The following LRRC34 variants were observed in gnomAD, a reference collection of about 807,000 sequenced individuals.
LRRC34 encodes the protein leucine rich repeat containing 34, also known as leucine-rich repeat-containing protein 34.
In LRRC34, 44 loss-of-function variants were observed where a neutral mutation model predicts 48.5. The ratio of observed to expected loss-of-function variants is 0.91; its 90% CI spans 0.71 to 1.17. The LOEUF is 1.17. Among genes scored for constraint, LRRC34 ranks in the 50% most tolerant of loss-of-function variants. The pLI, the probability that LRRC34 is intolerant of heterozygous loss-of-function variation, is 0.00. For missense variants in LRRC34, 502 were observed against 563.0 expected (o/e 0.89, Z 1.10); for synonymous variants, 192 against 197.6 (o/e 0.97, Z 0.24).
chr3:169,803,978 A>C (rs1377504024), intron 6 of LRRC34, 75 bp downstream of exon 6: 1 of 1,363,472 alleles, frequency 7.3e-7, no homozygotes, highest in Non-Finnish European at 9.6e-7. Flanking sequence ...AAAATTAATC[A>C]TTCATAAGAC....
At chr3:169,806,156 A>G (rs1450909522) in intron 5 of LRRC34, among the ~76,000 whole-genome samples, 1 of 152,236 alleles carries the variant, frequency 6.6e-6, no homozygotes, top group African/African-American at 2.4e-5. Context: ...TTTTTGGACA[A>G]AACTGTCAAG....
At chr3:169,804,263 A>G (rs1779297007) in intron 5 of LRRC34, 82 bp from the exon 6 acceptor site, 1 of 1,138,102 alleles carries the variant, frequency 8.8e-7, no homozygotes, top group Non-Finnish European at 1.2e-6. Flanking sequence ...CTGTATTACT[A>G]TTTGCAGACT....
rs1778873729 is a variant in LRRC34, at chr3:169,793,628, T to C, written c.*7A>G. The C allele has an allele frequency of 6.3e-7, 1 of 1,591,310 alleles. No homozygotes were observed. The highest frequency in any genetic ancestry group is 1.7e-4 in the Middle Eastern group (1 of 6,000). ...AAGTGTATGAAAATTATTTTACAGC[T>C]ACTTTTTCATGGCTGTTGACCTACT... is the stretch of plus-strand genomic sequence containing the variant. On this transcript the variant is annotated 3_prime_UTR_variant, in exon 11 of 11. Transcript: ENST00000446859.
chr3:169,794,517 A>AT (rs1326922491), intron 10 of LRRC34: 7 of 151,422 alleles, frequency 4.6e-5, no homozygotes, highest in African/African-American at 1.7e-4. Flanking sequence ...GGTTCAAGAG[A>AT]TTCTCCTGCC....
At chr3:169,795,776 A>G in intron 9 of LRRC34, 165 bp from the exon 10 acceptor site, 2 of 1,335,152 alleles carry the variant, frequency 1.5e-6, no homozygotes, top group Non-Finnish European at 1.9e-6. Context: ...TTCTAATTAG[A>G]TCCTTAAGGT....
intron 6 of LRRC34, among the ~76,000 whole-genome samples, chr3:169,801,680 T>C (rs1779198356): frequency 6.6e-6 from 1 of 152,250 alleles, no homozygotes; most frequent in South Asian, 2.1e-4. Context: ...AAGGCACTCT[T>C]AACTTTGTCT....
intron 5 of LRRC34, 136 bp downstream of exon 5, chr3:169,806,712 A>C: frequency 1.8e-6 from 1 of 566,928 alleles, no homozygotes; most frequent in South Asian, 2.9e-5. Flanking sequence ...CACTTGAATA[A>C]ATTAAAGTAT....
intron 6 of LRRC34, among the ~76,000 whole-genome samples, chr3:169,803,495 G>A (rs960138205): frequency 6.6e-6 from 1 of 152,202 alleles, no homozygotes; most frequent in Non-Finnish European, 1.5e-5. Flanking sequence ...CCAGGGGCTG[G>A]AGTGCAACTC....
Position 169,795,328 on chromosome 3 carries a change from C to T in LRRC34, c.1191+157G>A, listed in dbSNP as rs1380832368. ...TTAATATCTTTGGTTATTTGAACCA[C>T]CAAACTCTCTAGTAGTTAATTTTAA... On this transcript the variant is annotated intron_variant, in intron 10 of 10. Coordinates refer to ENST00000446859, the MANE Select transcript of LRRC34 (RefSeq NM_001172779.2). 6.2e-6 allele frequency: 4 copies of T among 641,678 alleles called. No homozygotes were observed. In the African/African-American group the frequency reaches 7.4e-5, roughly 12 times the overall value. 39.7% of individuals were successfully genotyped at this position (641,678 alleles called of 1,614,324 possible).
In LRRC34 at chr3:169,812,514, C is replaced by T; in HGVS notation, c.35G>A (p.Arg12Lys). Residue 12 changes from arginine to lysine, a missense_variant, in exon 1 of 11, where the codon AGG becomes AAG. Coordinates refer to ENST00000446859, the MANE Select transcript of LRRC34 (RefSeq NM_001172779.2). This position sits in a 1 kb window ranked among gnomAD's most constrained non-coding sequence, Gnocchi z 4.3. Reference protein sequence around the residue: ...AAQPPRPVGERSMGSSREAAR... With the variant: ...AAQPPRPVGEKSMGSSREAAR... Reference sequence around the variant, plus strand: ...GGCCTCCCGGGAGCTCCCCATGCTCCTCTCACCCACTGGCCGCGGCGGCTG... The same window carrying T: ...GGCCTCCCGGGAGCTCCCCATGCTCTTCTCACCCACTGGCCGCGGCGGCTG... 1.3e-6 allele frequency: 2 copies of T among 1,517,950 alleles called. No homozygotes were observed. Among genetic ancestry groups the T allele is most frequent in the Non-Finnish European group, 8.8e-7 (1 of 1,139,938 alleles). The allele number at this position is 1,517,950 out of a possible 1,614,324, so 94.0% of individuals were successfully genotyped here.
chr3:169,812,460 C>T lies in LRRC34; in HGVS notation c.89G>A (p.Trp30Ter). Residue 30 changes from tryptophan (W) to a stop codon, truncating the protein, a stop_gained, in exon 1 of 11, where the codon TGG becomes TAG. Transcript: ENST00000446859. LOFTEE classifies it high-confidence loss of function. This position sits in a 1 kb window ranked among gnomAD's most constrained non-coding sequence, Gnocchi z 4.3. The stretch of plus-strand genomic sequence containing the variant: ...CGGAGTACTGGCCTGAGTGGAGGCC[C>T]AAGCCGGGGACCTGGCCGGCGCACG... The part of the protein sequence containing the change: ...AARAPARSPA[W>*]ASTQASTPGA... The T allele has an allele frequency of 2.6e-6, 4 of 1,531,124 alleles. No homozygotes were observed. The highest frequency in any genetic ancestry group is 2.6e-6 in the Non-Finnish European group (3 of 1,145,268). 94.8% of individuals were successfully genotyped at this position (1,531,124 alleles called of 1,614,324 possible). A position where few individuals can be genotyped will look rare whatever the true frequency, so the allele number is the denominator to read the frequency against.
At chr3:169,809,695 T>C (rs1273367911) in intron 1 of LRRC34, among the ~76,000 whole-genome samples, 1 of 152,202 alleles carries the variant, frequency 6.6e-6, no homozygotes, top group Non-Finnish European at 1.5e-5. Context: ...TTTTAAAAAT[T>C]TGTGCACAGA....
In LRRC34 at chr3:169,812,417, G is replaced by T. The variant is rs1248421880; in HGVS notation, c.132C>A (p.Val44=). 1 of 1,528,252 alleles carries T rather than the reference G, an allele frequency of 6.5e-7. No individual in the cohort carries two copies. Among genetic ancestry groups the T allele is most frequent in the South Asian group, 1.2e-5 (1 of 83,700 alleles). 94.7% of individuals were successfully genotyped at this position (1,528,252 alleles called of 1,614,324 possible). A position where few individuals can be genotyped will look rare whatever the true frequency, so the allele number is the denominator to read the frequency against. ...QASTPGAALA[V]QRESPESGLQ... ...GTGCTCCCTACTTCTTACCGCGCTG[G>T]ACCGCCAGGGCCGCGCCCGGAGTAC... Residue 44 remains valine (V), a synonymous_variant, in exon 1 of 11, where the codon GTC becomes GTA. Coordinates refer to ENST00000446859, the MANE Select transcript of LRRC34 (RefSeq NM_001172779.2). This position sits in a 1 kb window ranked among gnomAD's most constrained non-coding sequence, Gnocchi z 4.3.
chr3:169,805,315 G>C (rs1188299933), intron 5 of LRRC34, among the ~76,000 whole-genome samples: 1 of 152,082 alleles, frequency 6.6e-6, no homozygotes, highest in Non-Finnish European at 1.5e-5. Context: ...CAGGACACAA[G>C]ATCAATATAC....
Position 169,812,451 on chromosome 3 carries a change from G to A in LRRC34, c.98C>T (p.Thr33Ile). 1 of 1,532,014 alleles carries A rather than the reference G, an allele frequency of 6.5e-7. No homozygotes were observed. The highest frequency in any genetic ancestry group is 1.2e-5 in the South Asian group (1 of 83,758). The allele number at this position is 1,532,014 out of a possible 1,614,324, so 94.9% of individuals were successfully genotyped here. A position where few individuals can be genotyped will look rare whatever the true frequency, so the allele number is the denominator to read the frequency against. The change falls in exon 1 of 11, where the codon ACT becomes ATT. Residue 33 changes from threonine to isoleucine, a missense_variant. Physicochemically the swap from Thr to Ile is moderately conservative, Grantham distance 89. Transcript: ENST00000446859. This position sits in a 1 kb window ranked among gnomAD's most constrained non-coding sequence, Gnocchi z 4.3. ...APARSPAWAS[T>I]QASTPGAALA... ...GGCCGCGCCCGGAGTACTGGCCTGA[G>A]TGGAGGCCCAAGCCGGGGACCTGGC...
chr3:169,806,222 T>A (rs1779367310), intron 5 of LRRC34, among the ~76,000 whole-genome samples: 1 of 152,200 alleles, frequency 6.6e-6, no homozygotes, highest in Non-Finnish European at 1.5e-5. Context: ...GACACGTGGA[T>A]ATACACATGC....
chr3:169,808,919 G>T (rs1779472779), intron 1 of LRRC34, among the ~76,000 whole-genome samples, 174 bp from the exon 2 acceptor site: 1 of 152,136 alleles, frequency 6.6e-6, no homozygotes, highest in African/African-American at 2.4e-5. Context: ...AATAATGAAT[G>T]GGAGAGATAA....
intron 1 of LRRC34, among the ~76,000 whole-genome samples, chr3:169,809,896 A>G (rs1779502724): frequency 6.6e-6 from 1 of 152,080 alleles, no homozygotes; most frequent in South Asian, 2.1e-4. Flanking sequence ...ATTTTCTTAT[A>G]GTTTTTAATA....
intron 7 of LRRC34, among the ~76,000 whole-genome samples, chr3:169,799,723 TTGAG>T (rs1026411959): frequency 1.3e-5 from 2 of 151,944 alleles, no homozygotes; most frequent in Non-Finnish European, 2.9e-5. Flanking sequence ...GATTGATTGA[TTGAG>T]ATGAAGATGA....
Sources: allele counts gnomAD v4.1 joint callset (sites outside exome capture counted in the v4.1 genomes callset), GRCh38; gene constraint gnomAD v4.1.1; non-coding constraint Gnocchi (gnomAD v3.1); transcripts MANE v1.5; gene names NCBI Gene and HGNC (gene_info 2026-07-23, HGNC 2026-07-21).